Variants in CSMD1 observed in about 807,000 individuals in gnomAD.
CSMD1 encodes CUB and Sushi multiple domains 1.
Under a neutral mutation model 417.5 loss-of-function variants are expected in CSMD1, and 213 were observed. The observed-to-expected ratio is 0.51, with a 90% CI of 0.46 to 0.57. The LOEUF (loss-of-function observed/expected upper bound fraction) is 0.57. Ranked by LOEUF, CSMD1 falls within the 20% of genes least tolerant of loss-of-function variation. CSMD1 has a pLI of 0.00. For missense variants in CSMD1, 6,923 were observed against 4,529.7 expected (o/e 1.53, Z -15.17); for synonymous variants, 2,862 against 1,736.8 (o/e 1.65, Z -16.11).
intron 2 of CSMD1, among the ~76,000 whole-genome samples, chr8:4,461,286 A>C (rs1248492886): frequency 6.6e-6 from 1 of 152,090 alleles, no homozygotes; most frequent in Non-Finnish European, 1.5e-5. Flanking sequence ...GTATTTAATG[A>C]AATATTGAAC....
chr8:3,636,484 G>A (rs867452293), intron 7 of CSMD1, among the ~76,000 whole-genome samples: 1 of 152,162 alleles, frequency 6.6e-6, no homozygotes, highest in Non-Finnish European at 1.5e-5. Context: ...GTCCCTGGAA[G>A]TAAAATCTTT....
intron 3 of CSMD1, among the ~76,000 whole-genome samples, chr8:4,236,049 T>TTG (rs1563316690): frequency 6.8e-4 from 50 of 73,034 alleles, no homozygotes; most frequent in Non-Finnish European, 8.7e-4. Context: ...GTTTTTTTTT[T>TTG]TTTTTTTTTT....
At chr8:4,194,869 T>G (rs1451436961) in intron 3 of CSMD1, among the ~76,000 whole-genome samples, 5 of 152,196 alleles carry the variant, frequency 3.3e-5, no homozygotes, top group African/African-American at 1.2e-4. Context: ...ATACCCATTT[T>G]CATTGGTCAG....
chr8:3,408,750 G>A (rs55721083), intron 13 of CSMD1, among the ~76,000 whole-genome samples: 20,608 of 151,832 alleles, frequency 0.14, 1,448 homozygotes, highest in East Asian at 0.2. Context: ...ATAATATAAA[G>A]TATTTTGAAA....
intron 3 of CSMD1, among the ~76,000 whole-genome samples, chr8:4,248,562 T>C (rs1248362204): frequency 6.6e-6 from 1 of 152,196 alleles, no homozygotes; most frequent in Non-Finnish European, 1.5e-5. Context: ...TATTTCTCTT[T>C]GGCTAACTCT....
chr8:4,274,852 T>A (rs1796384596), intron 3 of CSMD1, among the ~76,000 whole-genome samples: 1 of 152,158 alleles, frequency 6.6e-6, no homozygotes. Flanking sequence ...TGTACTGCTT[T>A]TATTTTTTCC....
At chr8:4,470,114 C>T (rs981212230) in intron 2 of CSMD1, among the ~76,000 whole-genome samples, 1 of 152,054 alleles carries the variant, frequency 6.6e-6, no homozygotes, top group African/African-American at 2.4e-5. Flanking sequence ...TCGTGATCCG[C>T]CCGCCTCGGC....
In CSMD1 at chr8:3,440,903, G is replaced by A. The variant is rs75630863; in HGVS notation, c.1561+27809C>T. Among the ~76,000 whole-genome samples the A allele has an allele frequency of 5.3e-5, 8 of 152,304 alleles. No individual in the cohort carries two copies. The East Asian group carries it at 1.5e-3, about 29-fold the overall frequency. ...AGGCTTGATGGTGGCCCCCGATAAC[G>A]ACATGTCCACTCCCTTGTCCCCAGA... On this transcript the variant is annotated intron_variant, in intron 12 of 69. Transcript: ENST00000635120.
In CSMD1 at chr8:2,974,617, C is replaced by A. The variant is rs667595; in HGVS notation, c.8574G>T (p.Ser2858=). 16 of 1,599,476 alleles carry A rather than the reference C, an allele frequency of 1.0e-5. No individual in the cohort carries two copies. The highest frequency in any genetic ancestry group is 1.3e-5 in the African/African-American group (1 of 74,510). ...DRSLPKCLAI[S]CGHPGVPANA... ...TGGCAGGGACCCCTGGGTGTCCACA[C>A]GATATAGCTTCAGAAAAAAGATAAA... Residue 2858 remains serine (S), a synonymous_variant, in exon 56 of 70, where the codon TCG becomes TCT. Coordinates refer to ENST00000635120, the MANE Select transcript of CSMD1 (RefSeq NM_033225.6).
intron 3 of CSMD1, among the ~76,000 whole-genome samples, chr8:4,161,392 C>G (rs1797153187): frequency 6.6e-6 from 1 of 152,178 alleles, no homozygotes; most frequent in Non-Finnish European, 1.5e-5. Flanking sequence ...TTAAAGGAAT[C>G]TTAGAGGTAA....
chr8:3,636,509 G>C (rs964324683), intron 7 of CSMD1, among the ~76,000 whole-genome samples: 1 of 152,156 alleles, frequency 6.6e-6, no homozygotes, highest in Non-Finnish European at 1.5e-5. Flanking sequence ...GTCTATCTAA[G>C]CCAGTCAAAC....
At chr8:4,247,637 G>T (rs765109917) in intron 3 of CSMD1, among the ~76,000 whole-genome samples, 2 of 152,118 alleles carry the variant, frequency 1.3e-5, no homozygotes, top group Non-Finnish European at 2.9e-5. Context: ...TAGATTTCAA[G>T]TAAGTTATCA....
intron 2 of CSMD1, among the ~76,000 whole-genome samples, chr8:4,524,143 C>G (rs551969166): frequency 6.6e-6 from 1 of 151,762 alleles, no homozygotes; most frequent in African/African-American, 2.4e-5. Context: ...AAATCCAGAC[C>G]TATGCATCAT....
chr8:4,706,880 G>C (rs1459463201), intron 1 of CSMD1, among the ~76,000 whole-genome samples: 3 of 152,230 alleles, frequency 2.0e-5, no homozygotes, highest in African/African-American at 7.2e-5. Context: ...GGGCAGTTCA[G>C]TGAAATGAGA....
chr8:4,268,613 G>A (rs933796290), intron 3 of CSMD1, among the ~76,000 whole-genome samples: 2 of 151,968 alleles, frequency 1.3e-5, no homozygotes, highest in East Asian at 3.9e-4. Context: ...AGTAGCTATG[G>A]GATTACAGTC....
chr8:4,565,771 T>TAC (rs1798574205), intron 2 of CSMD1, among the ~76,000 whole-genome samples: 2 of 30,314 alleles, frequency 6.6e-5, no homozygotes, highest in African/African-American at 2.1e-4. Context: ...TATATATATA[T>TAC]ATATATATAT....
chr8:4,570,082 A>T (rs1194401670), intron 2 of CSMD1, among the ~76,000 whole-genome samples: 1 of 152,190 alleles, frequency 6.6e-6, no homozygotes, highest in Non-Finnish European at 1.5e-5. Context: ...CGTCGTCTGC[A>T]AACAGAGACA....
intron 2 of CSMD1, among the ~76,000 whole-genome samples, chr8:4,526,378 C>A (rs1269610325): frequency 2.0e-5 from 3 of 152,194 alleles, no homozygotes; most frequent in Admixed American, 6.5e-5. Context: ...GTGGTCTCCT[C>A]CTTCAACAAG....
intron 3 of CSMD1, among the ~76,000 whole-genome samples, chr8:4,233,543 A>G (rs979578132): frequency 6.6e-6 from 1 of 152,128 alleles, no homozygotes; most frequent in Non-Finnish European, 1.5e-5. Context: ...GCTCTCTCAC[A>G]CCTTCCACTG....
Sources: gnomAD v4.1 joint callset for allele counts (sites outside exome capture counted in the v4.1 genomes callset) on GRCh38, gnomAD v4.1.1 for gene constraint, MANE v1.5 for transcripts, NCBI Gene and HGNC (gene_info 2026-07-23, HGNC 2026-07-21) for gene names.